RAE1: variants seen among roughly 807,000 people sequenced by gnomAD.
RAE1 encodes the protein ribonucleic acid export 1.
Under a neutral mutation model 52.7 loss-of-function variants are expected in RAE1, and 13 were observed. The observed-to-expected ratio is 0.25, with a 90% CI of 0.16 to 0.39. The LOEUF (loss-of-function observed/expected upper bound fraction) is 0.39, where lower values mean the gene tolerates loss of function less well. Ranked by LOEUF, RAE1 falls within the 10% of genes least tolerant of loss-of-function variation. The probability of loss-of-function intolerance (pLI) is 1.00; values close to 1 mark genes in which losing one functional copy is unlikely to be tolerated. For missense variants in RAE1, 262 were observed against 459.8 expected, an observed-to-expected ratio of 0.57 and a Z score of 3.93; for synonymous variants, 164 against 153.1, an observed-to-expected ratio of 1.07 and a Z score of -0.52.
chr20:57,374,647 C>G lies in RAE1; in HGVS notation c.866C>G (p.Ala289Gly), dbSNP rs772138000. The G allele has an allele frequency of 6.2e-6, 10 of 1,614,130 alleles. No homozygotes were observed. Among genetic ancestry groups the G allele is most frequent in the Non-Finnish European group, 8.5e-6 (10 of 1,179,982 alleles). ...IAFHPVHGTL[A>G]TVGSDGRFSF... ...TTCCATCCTGTTCATGGCACCCTTG[C>G]AACTGTGGGATCTGATGGTAGATTC... Residue 289 changes from alanine (A) to glycine (G), a missense_variant, in exon 11 of 12, where the codon GCA (alanine) becomes GGA (glycine). Coordinates refer to ENST00000395841, the MANE Select transcript of RAE1 (RefSeq NM_003610.4).
chr20:57,358,070 G>A (rs1396152476), intron 4 of RAE1: 1 of 152,084 alleles, frequency 6.6e-6, no homozygotes, highest in East Asian at 1.9e-4. Flanking sequence ...TTAAATAGGA[G>A]GCCTACATTA....
chr20:57,351,875 T>G, intron 1 of RAE1: 4 of 985,464 alleles, frequency 4.1e-6, no homozygotes, highest in Non-Finnish European at 4.8e-6. Flanking sequence ...CAAGTATTTA[T>G]TGTATACGTA....
chr20:57,373,654 G>C lies in RAE1; in HGVS notation c.750-9G>C. ...CAAAGGAAGACTTACATGAACCTTT[G>C]TCTTTCAGCGCCAAAGATAACTTCA... On this transcript the variant is annotated splice_polypyrimidine_tract_variant and intron_variant, in intron 9 of 11. Transcript: ENST00000395841. 4.3e-6 allele frequency: 7 copies of C among 1,614,034 alleles called. No individual in the cohort carries two copies. The highest frequency in any genetic ancestry group is 5.9e-6 in the Non-Finnish European group (7 of 1,179,924).
chr20:57,359,868 T>G (rs1350963937), intron 4 of RAE1: 2 of 152,252 alleles, frequency 1.3e-5, no homozygotes, highest in South Asian at 4.1e-4. Flanking sequence ...CTTACAGTAC[T>G]GTGTCTATTG....
At chr20:57,355,292 G>A (rs1297239485) in intron 3 of RAE1, among the ~76,000 whole-genome samples, 2 of 152,172 alleles carry the variant, frequency 1.3e-5, no homozygotes, top group African/African-American at 4.8e-5. Flanking sequence ...AGAAAAATAA[G>A]CAAAGGGTGT....
chr20:57,362,593 A>G (rs948709577), intron 4 of RAE1, among the ~76,000 whole-genome samples: 4 of 152,184 alleles, frequency 2.6e-5, no homozygotes, highest in African/African-American at 9.6e-5. Flanking sequence ...TCTAATGGCT[A>G]TTGGAATTTA....
At chr20:57,367,496 A>G (rs907515466) in intron 7 of RAE1, among the ~76,000 whole-genome samples, 1 of 152,058 alleles carries the variant, frequency 6.6e-6, no homozygotes, top group African/African-American at 2.4e-5. Context: ...TAATCCTAGC[A>G]CTTTGGGAGG....
At chr20:57,377,778 A>G (rs1568797260) in intron 11 of RAE1, among the ~76,000 whole-genome samples, 1 of 152,142 alleles carries the variant, frequency 6.6e-6, no homozygotes, top group Non-Finnish European at 1.5e-5. Flanking sequence ...ACAGGTTCCT[A>G]CTCACAGACT....
intron 3 of RAE1, 97 bp from the exon 4 acceptor site, chr20:57,356,347 CTA>C (rs2066786164): frequency 3.8e-6 from 3 of 791,278 alleles, no homozygotes; most frequent in Non-Finnish European, 4.1e-6. Context: ...TATGAGAAGT[CTA>C]TGTATGGTTA....
Position 57,374,746 on chromosome 20 carries a change from GT to G in RAE1, c.968del (p.Phe323SerfsTer40), listed in dbSNP as rs2067086098. ...TTAGATCAGCCCATCTCAGCTTGCT[GT>G]TTCAATCACAATGGAAACATATTTG... ...EQLDQPISACCFNHNGNIFAY... is the reference protein window; with the variant it reads ...EQLDQPISACXFNHNGNIFAY... On this transcript the variant is annotated frameshift_variant, in exon 11 of 12. Coordinates refer to ENST00000395841, the MANE Select transcript of RAE1 (RefSeq NM_003610.4). LOFTEE classifies it high-confidence loss of function. 1 of 1,614,218 alleles carries G rather than the reference GT, an allele frequency of 6.2e-7. No individual in the cohort carries two copies. The highest frequency in any genetic ancestry group is 8.5e-7 in the Non-Finnish European group (1 of 1,180,040).
intron 4 of RAE1, among the ~76,000 whole-genome samples, chr20:57,365,141 A>G (rs931256266): frequency 6.6e-6 from 1 of 152,198 alleles, no homozygotes; most frequent in Admixed American, 6.5e-5. Context: ...AATCCTGTTT[A>G]TATGTTCTCG....
intron 11 of RAE1, among the ~76,000 whole-genome samples, chr20:57,377,555 C>T (rs997828324): frequency 2.6e-5 from 4 of 152,236 alleles, no homozygotes; most frequent in East Asian, 1.9e-4. Context: ...CACTCACCAC[C>T]GTTCATGCCT....
rs890152276 is a variant in RAE1, at chr20:57,366,750, C to G, written c.376-57C>G. 5.4e-6 allele frequency: 8 copies of G among 1,477,940 alleles called. No homozygotes were observed. The Admixed American group carries it at 1.0e-4, about 19-fold the overall frequency. The allele number at this position is 1,477,940 out of a possible 1,614,324, so 91.6% of individuals were successfully genotyped here. A position where few individuals can be genotyped will look rare whatever the true frequency, so the allele number is the denominator to read the frequency against. On this transcript the variant is annotated intron_variant, in intron 5 of 11. Transcript: ENST00000395841. ...TCCCTTTGAATTGCCACAACTAAAG[C>G]TGTTCAGCACATTCTTACATTTACC...
chr20:57,374,714 G>C lies in RAE1; in HGVS notation c.933G>C (p.Ser311=), dbSNP rs150804995. ...DKDARTKLKT[S]EQLDQPISAC... is the part of the protein sequence containing the mutation. ...ATGCCAGAACAAAACTAAAAACTTC[G>C]GAACAGTTAGATCAGCCCATCTCAG... is the stretch of plus-strand genomic sequence containing the variant. Residue 311 remains serine, a synonymous_variant, in exon 11 of 12, where the codon TCG becomes TCC. Transcript: ENST00000395841. 17 of 1,614,162 alleles carry C rather than the reference G, an allele frequency of 1.1e-5. No individual in the cohort carries two copies. Among genetic ancestry groups the C allele is most frequent in the Non-Finnish European group, 1.4e-5 (17 of 1,180,024 alleles).
At chr20:57,368,927 G>A in intron 8 of RAE1, 115 bp downstream of exon 8, 2 of 814,954 alleles carry the variant, frequency 2.5e-6, no homozygotes, top group Non-Finnish European at 4.0e-6. Flanking sequence ...TTCAAAGAGG[G>A]GTGAATTGAA....
chr20:57,375,578 C>T (rs940403853), intron 11 of RAE1, among the ~76,000 whole-genome samples: 2 of 152,150 alleles, frequency 1.3e-5, no homozygotes, highest in African/African-American at 2.4e-5. Flanking sequence ...CTTCTGTCCC[C>T]GTCCACCAGC....
At chr20:57,352,536 G>A (rs1052053679) in intron 1 of RAE1, among the ~76,000 whole-genome samples, 1 of 152,190 alleles carries the variant, frequency 6.6e-6, no homozygotes, top group Admixed American at 6.5e-5. Context: ...GCTTCCCAGT[G>A]CTCAGCATAA....
intron 8 of RAE1, 200 bp from the exon 9 acceptor site, chr20:57,373,275 T>C (rs2067063425): frequency 1.7e-6 from 1 of 590,638 alleles, no homozygotes; most frequent in African/African-American, 1.9e-5. Context: ...GAGCACAGGG[T>C]GTGCAGTTGG....
At chr20:57,374,316 T>G (rs1263929539) in intron 10 of RAE1, among the ~76,000 whole-genome samples, 1 of 152,236 alleles carries the variant, frequency 6.6e-6, no homozygotes, top group Non-Finnish European at 1.5e-5. Context: ...CAGCTCAGAC[T>G]GAGAAATCTG....
Sources: allele counts gnomAD v4.1 joint callset (sites outside exome capture counted in the v4.1 genomes callset), GRCh38; gene constraint gnomAD v4.1.1; transcripts MANE v1.5; gene names NCBI Gene and HGNC (gene_info 2026-07-23, HGNC 2026-07-21).